The following SDK2 variants were observed in gnomAD, a reference collection of about 807,000 sequenced individuals.
SDK2 encodes sidekick cell adhesion molecule 2.
In SDK2, 105 loss-of-function variants were observed where a neutral mutation model predicts 253.9. The observed-to-expected ratio is 0.41, with a 90% CI of 0.35 to 0.49. SDK2 has a LOEUF of 0.49. SDK2 is among the 20% of genes least tolerant of loss of function. The pLI, the probability that SDK2 is intolerant of heterozygous loss-of-function variation, is 0.06. For missense variants in SDK2, 2,608 were observed against 3,003.0 expected (o/e 0.87, Z 3.07); for synonymous variants, 1,249 against 1,234.9 (o/e 1.01, Z -0.24).
At position 73,467,008 on chromosome 17, in the gene SDK2, G is replaced by A. The variant is rs1432727621; in HGVS notation, c.331+5104C>T. On this transcript the variant is annotated intron_variant, in intron 3 of 44. Coordinates refer to ENST00000392650, the MANE Select transcript of SDK2 (RefSeq NM_001144952.2). The surrounding 1 kb of genome is among the most constrained non-coding windows in gnomAD (Gnocchi z 4.1). ...ATTTCAGGCACAAGGGCCATGCCTG[G>A]CACACGGAAGAACCCTGGAGCTCTG... Among the ~76,000 whole-genome samples, 1 of 152,090 alleles carries A rather than the reference G, an allele frequency of 6.6e-6. No individual in the cohort carries two copies. The highest frequency in any genetic ancestry group is 1.9e-4 in the East Asian group (1 of 5,166).
Position 73,603,090 on chromosome 17 carries a change from C to T in SDK2, c.64+40935G>A, listed in dbSNP as rs564424573. 4.6e-5 allele frequency among the ~76,000 whole-genome samples: 7 copies of T among 152,252 alleles called. No individual in the cohort carries two copies. In the South Asian group the frequency reaches 1.5e-3, roughly 32 times the overall value. On this transcript the variant is annotated intron_variant, in intron 1 of 44. Coordinates refer to ENST00000392650, the MANE Select transcript of SDK2 (RefSeq NM_001144952.2). ...GGTGGAGGATGACCTGAGACACTCACCACCCTCCCAGGTTGTGACAACCAA... is the reference window on the plus strand; with the variant it reads ...GGTGGAGGATGACCTGAGACACTCATCACCCTCCCAGGTTGTGACAACCAA...
rs539499982 is a variant in SDK2, at chr17:73,447,009, C to A, written c.613+606G>T. Among the ~76,000 whole-genome samples, 8 of 152,306 alleles carry A rather than the reference C, an allele frequency of 5.3e-5. No individual in the cohort carries two copies. In the Middle Eastern group the frequency reaches 0.014, roughly 259 times the overall value. ...GCCAAAGCACACCAAGGGAATCACG[C>A]TTTTGTGTGTGTCTCACTGTGTGGT... is the stretch of plus-strand genomic sequence containing the variant. On this transcript the variant is annotated intron_variant, in intron 5 of 44. Transcript: ENST00000392650. This position sits in a 1 kb window ranked among gnomAD's most constrained non-coding sequence, Gnocchi z 4.0.
chr17:73,435,450 TGGTGACAGCCAGGTA>T lies in SDK2; in HGVS notation c.1180_1194del (p.Tyr394_Thr398del), dbSNP rs1657295176. The T allele has an allele frequency of 1.9e-6, 3 of 1,587,768 alleles. No homozygotes were observed. Among genetic ancestry groups the T allele is most frequent in the Admixed American group, 1.8e-5 (1 of 56,884 alleles). On this transcript the variant is annotated inframe_deletion and splice_region_variant, in exon 9 of 45. Coordinates refer to ENST00000392650, the MANE Select transcript of SDK2 (RefSeq NM_001144952.2). The surrounding 1 kb of genome is among the most constrained non-coding windows in gnomAD (Gnocchi z 5.7). The stretch of plus-strand genomic sequence containing the variant: ...CAGCACAAGGGAAGGCCCAACTTAC[TGGTGACAGCCAGGTA>T]GGTGGAAGTTTGCACCTCGCCGGCT...
Position 73,496,803 on chromosome 17 carries a change from C to A in SDK2, c.224+10635G>T, listed in dbSNP as rs2063845032. 6.6e-6 allele frequency among the ~76,000 whole-genome samples: 1 copy of A among 152,192 alleles called. No homozygotes were observed. The highest frequency in any genetic ancestry group is 2.1e-4 in the South Asian group (1 of 4,832). On this transcript the variant is annotated intron_variant, in intron 2 of 44. Coordinates refer to ENST00000392650, the MANE Select transcript of SDK2 (RefSeq NM_001144952.2). The surrounding 1 kb of genome is among the most constrained non-coding windows in gnomAD (Gnocchi z 4.7). ...CCTCCACTCCCTGCCCCGACTTGCT[C>A]ATCCCTCTCTAACTCCTCAACTTGC...
At chr17:73,505,662 C>A (rs978628948) in intron 2 of SDK2, among the ~76,000 whole-genome samples, 1 of 151,326 alleles carries the variant, frequency 6.6e-6, no homozygotes, top group African/African-American at 2.4e-5. Context: ...AATAGCTGGA[C>A]CTCATCATCG....
chr17:73,418,866 G>A (rs749983299), intron 16 of SDK2, among the ~76,000 whole-genome samples: 56 of 152,122 alleles, frequency 3.7e-4, no homozygotes, highest in Non-Finnish European at 6.2e-4. Flanking sequence ...CCAGAGCGTT[G>A]CCCCTTGGAA....
intron 12 of SDK2, among the ~76,000 whole-genome samples, chr17:73,428,824 C>T (rs541432819): frequency 2.0e-5 from 3 of 152,206 alleles, no homozygotes; most frequent in Non-Finnish European, 4.4e-5. Flanking sequence ...TGGGCATAGA[C>T]TTTGCCAATT....
chr17:73,489,869 C>T (rs569699098), intron 2 of SDK2, among the ~76,000 whole-genome samples: 1 of 151,954 alleles, frequency 6.6e-6, no homozygotes, highest in Non-Finnish European at 1.5e-5. Flanking sequence ...ATTTGGCCAA[C>T]AAAAAAGTGA....
chr17:73,422,200 G>T, intron 15 of SDK2, 87 bp downstream of exon 15: 1 of 1,484,460 alleles, frequency 6.7e-7, no homozygotes, highest in Non-Finnish European at 9.2e-7. Context: ...AGGAGGAGCT[G>T]AGCCAGAATC....
At chr17:73,494,246 A>T (rs1385455247) in intron 2 of SDK2, among the ~76,000 whole-genome samples, 1 of 152,144 alleles carries the variant, frequency 6.6e-6, no homozygotes, top group South Asian at 2.1e-4. Context: ...TTCTGATGTG[A>T]ACTCATGCCA....
chr17:73,564,721 A>G (rs1468033421), intron 1 of SDK2, among the ~76,000 whole-genome samples: 1 of 151,780 alleles, frequency 6.6e-6, no homozygotes, highest in Non-Finnish European at 1.5e-5. Flanking sequence ...TCTACTCGGG[A>G]GGCTGAGGCA....
At chr17:73,509,179 G>A (rs954532442) in intron 1 of SDK2, among the ~76,000 whole-genome samples, 6 of 152,190 alleles carry the variant, frequency 3.9e-5, no homozygotes, top group East Asian at 3.9e-4. Flanking sequence ...AGCGGCGTGC[G>A]GTGGACAAGC....
intron 44 of SDK2, among the ~76,000 whole-genome samples, chr17:73,345,482 G>C (rs1240995312): frequency 1.3e-5 from 2 of 152,184 alleles, no homozygotes; most frequent in Non-Finnish European, 1.5e-5. Context: ...ATTCATTAGA[G>C]TCTGTCTTGC....
rs1339919090 is a variant in SDK2, at chr17:73,352,825, C to T, written c.5594-188G>A. On this transcript the variant is annotated intron_variant, in intron 40 of 44. Transcript: ENST00000392650. The surrounding 1 kb of genome is among the most constrained non-coding windows in gnomAD (Gnocchi z 4.1). ...ACAACTTTCGGGCCAAGCACGGTGG[C>T]TCATGCCTGTAATTCCAGCACTTTG... Among the ~76,000 whole-genome samples, 1 of 152,224 alleles carries T rather than the reference C, an allele frequency of 6.6e-6. No homozygotes were observed. Among genetic ancestry groups the T allele is most frequent in the African/African-American group, 2.4e-5 (1 of 41,460 alleles).
rs368927373 is a variant in SDK2, at chr17:73,354,744, C to G, written c.5594-2107G>C. ...AGGCCTTAACTTCCCCTAGCCTGCCCCAACCAAGCACCTCCAGTCTCTCAC... is the reference window on the plus strand; with the variant it reads ...AGGCCTTAACTTCCCCTAGCCTGCCGCAACCAAGCACCTCCAGTCTCTCAC... On this transcript the variant is annotated intron_variant, in intron 40 of 44. Transcript: ENST00000392650. 4.5e-3 allele frequency among the ~76,000 whole-genome samples: 472 copies of G among 105,544 alleles called. 4 individuals are homozygous for G. Among genetic ancestry groups the G allele is most frequent in the African/African-American group, 0.016 (451 of 28,812 alleles). 69.2% of individuals were successfully genotyped at this position (105,544 alleles called of 152,430 possible).
intron 15 of SDK2, 105 bp from the exon 16 acceptor site, chr17:73,419,411 G>T: frequency 7.8e-7 from 1 of 1,278,860 alleles, no homozygotes; most frequent in East Asian, 2.5e-5. Flanking sequence ...GGATAATTCG[G>T]TACAACTGCT....
chr17:73,604,353 G>C (rs1042863347), intron 1 of SDK2, among the ~76,000 whole-genome samples: 6 of 152,346 alleles, frequency 3.9e-5, no homozygotes, highest in African/African-American at 9.6e-5. Context: ...CATCTCCCAG[G>C]AGGACAAAAC....
At chr17:73,520,544 C>T (rs894947171) in intron 1 of SDK2, 11 of 152,380 alleles carry the variant, frequency 7.2e-5, no homozygotes, top group African/African-American at 2.2e-4. Flanking sequence ...GCTTCACAGA[C>T]GAGACCCCTG....
At chr17:73,505,493 A>T (rs2063927568) in intron 2 of SDK2, among the ~76,000 whole-genome samples, 1 of 152,144 alleles carries the variant, frequency 6.6e-6, no homozygotes, top group Admixed American at 6.5e-5. Flanking sequence ...CATCATCATC[A>T]TCATCCTCAA....
Sources: gnomAD v4.1 joint callset for allele counts (sites outside exome capture counted in the v4.1 genomes callset) on GRCh38, gnomAD v4.1.1 for gene constraint, Gnocchi (gnomAD v3.1) non-coding constraint, MANE v1.5 for transcripts, NCBI Gene and HGNC (gene_info 2026-07-23, HGNC 2026-07-21) for gene names.